Variants in TSC22D1 observed in about 807,000 individuals in gnomAD.
The protein encoded by TSC22D1 is TSC22 domain family protein 1.
A neutral mutation model predicts 74.2 loss-of-function variants in TSC22D1; 9 were observed. That is an observed-to-expected ratio of 0.12 (90% CI 0.07 to 0.21). The LOEUF (loss-of-function observed/expected upper bound fraction) is 0.21. Ranked by LOEUF, TSC22D1 falls within the 10% of genes least tolerant of loss-of-function variation. TSC22D1 has a pLI of 1.00. For synonymous variants in TSC22D1, 586 were observed against 492.5 expected (o/e 1.19, Z -2.51); for missense variants, 1,427 against 1,304.7 (o/e 1.09, Z -1.44).
chr13:44,498,599 G>A (rs1595119382), intron 1 of TSC22D1, among the ~76,000 whole-genome samples: 1 of 151,914 alleles, frequency 6.6e-6, no homozygotes, highest in Non-Finnish European at 1.5e-5. Context: ...CTCAGAGCAG[G>A]GGCCATGACT....
At chr13:44,470,051 TG>T (rs1467874441) in intron 1 of TSC22D1, among the ~76,000 whole-genome samples, 1 of 152,176 alleles carries the variant, frequency 6.6e-6, no homozygotes, top group African/African-American at 2.4e-5. Context: ...GAGAAAGGAT[TG>T]CTGCTGGAAA....
chr13:44,509,374 C>T (rs1190207059), intron 1 of TSC22D1, among the ~76,000 whole-genome samples: 1 of 152,230 alleles, frequency 6.6e-6, no homozygotes, highest in Non-Finnish European at 1.5e-5. Flanking sequence ...CGTGGTGGCT[C>T]ACGCCTGTAA....
intron 1 of TSC22D1, among the ~76,000 whole-genome samples, chr13:44,534,231 GA>G (rs375484588): frequency 0.15 from 15,063 of 99,890 alleles, 805 homozygotes; most frequent in Non-Finnish European, 0.17. Flanking sequence ...GTCTCAAGGA[GA>G]AAAAAAAAAA....
chr13:44,562,496 T>G (rs546470873), intron 1 of TSC22D1, among the ~76,000 whole-genome samples: 8 of 152,172 alleles, frequency 5.3e-5, no homozygotes, highest in Admixed American at 3.3e-4. Flanking sequence ...ATGCTCACAT[T>G]TAGTATCAAC....
intron 1 of TSC22D1, among the ~76,000 whole-genome samples, chr13:44,441,046 A>G (rs1875155915): frequency 6.6e-6 from 1 of 152,364 alleles, no homozygotes; most frequent in Admixed American, 6.5e-5. Flanking sequence ...TAGATATTTC[A>G]GACACCAAAA....
rs113745430 is a variant in TSC22D1, at chr13:44,529,804, T to C, written c.2912+43359A>G. Among the ~76,000 whole-genome samples the C allele has an allele frequency of 1.7e-3, 261 of 152,150 alleles. 2 individuals are homozygous for C. The highest frequency in any genetic ancestry group is 5.9e-3 in the African/African-American group (245 of 41,530). On this transcript the variant is annotated intron_variant, in intron 1 of 2. Coordinates refer to ENST00000458659, the MANE Select transcript of TSC22D1 (RefSeq NM_183422.4). ...AGCAATGAACAATTGGAATTGGAAA[T>C]TAAAACACCATTTACATTAACACCA...
At chr13:44,536,724 G>T (rs1354872719) in intron 1 of TSC22D1, 1 of 982,012 alleles carries the variant, frequency 1.0e-6, no homozygotes, top group Non-Finnish European at 1.2e-6. Context: ...GATATTTACA[G>T]TATTAACTCA....
chr13:44,486,723 A>C (rs545979496), intron 1 of TSC22D1, among the ~76,000 whole-genome samples: 1 of 152,312 alleles, frequency 6.6e-6, no homozygotes, highest in East Asian at 1.9e-4. Flanking sequence ...CATTTAAAAG[A>C]ATCAGTTCAT....
chr13:44,526,169 G>A (rs1880537991), intron 1 of TSC22D1, among the ~76,000 whole-genome samples: 1 of 152,088 alleles, frequency 6.6e-6, no homozygotes, highest in Non-Finnish European at 1.5e-5. Context: ...AAATAAAACA[G>A]TCTGAGGATC....
chr13:44,435,988 T>A (rs1874577900), intron 2 of TSC22D1, 56 bp downstream of exon 2: 2 of 1,521,990 alleles, frequency 1.3e-6, no homozygotes, highest in African/African-American at 2.7e-5. Context: ...CCACAAAACA[T>A]CTTATTTTTG....
At chr13:44,537,424 G>A in intron 1 of TSC22D1, 1 of 984,940 alleles carries the variant, frequency 1.0e-6, no homozygotes, top group Non-Finnish European at 1.2e-6. Flanking sequence ...TTCAATCAAA[G>A]CATGAGATTA....
intron 1 of TSC22D1, among the ~76,000 whole-genome samples, chr13:44,543,266 T>C (rs1307302692): frequency 6.6e-6 from 1 of 152,200 alleles, no homozygotes; most frequent in Non-Finnish European, 1.5e-5. Flanking sequence ...ACACAGCTTA[T>C]TAGTTTTAAG....
chr13:44,536,109 T>A (rs1190571652), intron 1 of TSC22D1, among the ~76,000 whole-genome samples: 1 of 151,860 alleles, frequency 6.6e-6, no homozygotes, highest in African/African-American at 2.4e-5. Context: ...AAGCCAAGAA[T>A]GTTAGCTTCC....
rs1392315354 is a variant in TSC22D1, at chr13:44,573,691, G to A, written c.2384C>T (p.Ser795Phe). 2 of 1,614,112 alleles carry A rather than the reference G, an allele frequency of 1.2e-6. No individual in the cohort carries two copies. The highest frequency in any genetic ancestry group is 2.7e-5 in the African/African-American group (2 of 74,934). Residue 795 changes from serine to phenylalanine, a missense_variant, in exon 1 of 3, where the codon TCC becomes TTC. Ser to Phe is a radical substitution (Grantham distance 155). Coordinates refer to ENST00000458659, the MANE Select transcript of TSC22D1 (RefSeq NM_183422.4). ...PQQLVIASQS[S>F]LLTVPPQPQG... ...TGGCTGGGGAGGCACAGTTAACAAG[G>A]AACTTTGGGATGCAATAACCAATTG...
At chr13:44,474,295 C>G in intron 1 of TSC22D1, 1 of 985,354 alleles carries the variant, frequency 1.0e-6, no homozygotes, top group Non-Finnish European at 1.2e-6. Context: ...TCTTCCCACC[C>G]AGGCCCAACT....
rs1275270920 is a variant in TSC22D1 at position 44,553,003 on chromosome 13, AC to A, written c.2912+20159del. 1.4e-3 allele frequency among the ~76,000 whole-genome samples: 215 copies of A among 152,254 alleles called. 1 individual carries two copies. Among genetic ancestry groups the A allele is most frequent in the African/African-American group, 4.8e-3 (199 of 41,528 alleles). On this transcript the variant is annotated intron_variant, in intron 1 of 2. Coordinates refer to ENST00000458659, the MANE Select transcript of TSC22D1 (RefSeq NM_183422.4). The stretch of plus-strand genomic sequence containing the variant: ...ACTCCATCTCAAAACAAACAAACAA[AC>A]AAACAAAACGAAAATAAGGTGGTAA...
chr13:44,552,931 T>A (rs1219560114), intron 1 of TSC22D1, among the ~76,000 whole-genome samples: 3 of 152,152 alleles, frequency 2.0e-5, no homozygotes, highest in African/African-American at 7.2e-5. Flanking sequence ...AAGCTTGCAG[T>A]GAGCCGCGAT....
At chr13:44,520,279 G>A (rs573245045) in intron 1 of TSC22D1, among the ~76,000 whole-genome samples, 6 of 152,166 alleles carry the variant, frequency 3.9e-5, no homozygotes, top group Admixed American at 2.6e-4. Flanking sequence ...GGAAATCAGA[G>A]GACTAAAGAT....
intron 1 of TSC22D1, among the ~76,000 whole-genome samples, chr13:44,555,284 C>T (rs995186618): frequency 6.6e-6 from 1 of 151,034 alleles, no homozygotes; most frequent in Admixed American, 6.6e-5. Context: ...TTCCAGAAAA[C>T]GTAAGCAAAC....
Sources: gnomAD v4.1 joint callset for allele counts (sites outside exome capture counted in the v4.1 genomes callset) on GRCh38, gnomAD v4.1.1 for gene constraint, MANE v1.5 for transcripts, NCBI Gene and HGNC (gene_info 2026-07-23, HGNC 2026-07-21) for gene names.